Variants in VAPA observed in about 807,000 individuals in gnomAD.
VAPA encodes the protein VAMP associated protein A.
Under a neutral mutation model 25.6 loss-of-function variants are expected in VAPA, and 6 were observed. The ratio of observed to expected loss-of-function variants is 0.23; its 90% CI spans 0.13 to 0.46. VAPA has a LOEUF of 0.46. VAPA is among the 20% of genes least tolerant of loss of function. The probability of loss-of-function intolerance (pLI) is 0.99; values close to 1 mark genes in which losing one functional copy is unlikely to be tolerated. For synonymous variants in VAPA, 112 were observed against 106.2 expected, an observed-to-expected ratio of 1.05 and a Z score of -0.34; for missense variants, 244 against 302.1, an observed-to-expected ratio of 0.81 and a Z score of 1.43.
intron 1 of VAPA, chr18:9,924,828 C>T (rs2069186662): frequency 6.6e-6 from 1 of 151,260 alleles, no homozygotes; most frequent in Non-Finnish European, 1.5e-5. Flanking sequence ...ACCCAAGGTC[C>T]ATCAGCTAGG....
At chr18:9,939,412 C>T (rs969275333) in intron 4 of VAPA, among the ~76,000 whole-genome samples, 2 of 152,054 alleles carry the variant, frequency 1.3e-5, no homozygotes, top group African/African-American at 4.8e-5. Flanking sequence ...GCCTTGGCCT[C>T]CCAAAGTGCT....
chr18:9,952,212 T>C (rs115193631), intron 5 of VAPA, among the ~76,000 whole-genome samples: 2 of 152,092 alleles, frequency 1.3e-5, no homozygotes. Flanking sequence ...TTCTACTCTT[T>C]TTATGCTAGT....
At chr18:9,947,133 C>G (rs1384044149) in intron 4 of VAPA, among the ~76,000 whole-genome samples, 2 of 152,138 alleles carry the variant, frequency 1.3e-5, no homozygotes, top group Non-Finnish European at 2.9e-5. Flanking sequence ...GGAATACCTC[C>G]TGAAGGACCT....
In VAPA at chr18:9,934,863, G is replaced by C. The variant is rs1436736703; in HGVS notation, c.233-1247G>C. On this transcript the variant is annotated intron_variant, in intron 2 of 5. Coordinates refer to ENST00000400000, the MANE Select transcript of VAPA (RefSeq NM_194434.3). ...TAATCCCAGCACTTTGGGAGGCTGA[G>C]ACGGGCGGATCTTGAGGTCAGGAGA... Among the ~76,000 whole-genome samples the C allele has an allele frequency of 4.6e-5, 7 of 152,268 alleles. No homozygotes were observed. In the East Asian group the frequency reaches 1.4e-3, roughly 29 times the overall value.
intron 1 of VAPA, among the ~76,000 whole-genome samples, chr18:9,916,371 G>A (rs1258791992): frequency 1.3e-5 from 2 of 152,022 alleles, no homozygotes; most frequent in Admixed American, 6.6e-5. Context: ...AGACACAACC[G>A]TGTCTGAGGA....
intron 1 of VAPA, among the ~76,000 whole-genome samples, chr18:9,925,596 CAA>C (rs2069194126): frequency 6.6e-6 from 1 of 151,628 alleles, no homozygotes; most frequent in Non-Finnish European, 1.5e-5. Flanking sequence ...GCTAACGAAA[CAA>C]AGACCTATTC....
chr18:9,935,215 AAATT>A (rs1221093219), intron 2 of VAPA, among the ~76,000 whole-genome samples: 1 of 152,200 alleles, frequency 6.6e-6, no homozygotes, highest in Non-Finnish European at 1.5e-5. Flanking sequence ...AGATTTAAAT[AAATT>A]CATAAACTCT....
At chr18:9,917,589 C>A (rs1051100554) in intron 1 of VAPA, among the ~76,000 whole-genome samples, 9 of 152,150 alleles carry the variant, frequency 5.9e-5, no homozygotes, top group Admixed American at 5.9e-4. Flanking sequence ...CCCCTATTAG[C>A]AGTTTTGTAG....
intron 1 of VAPA, among the ~76,000 whole-genome samples, chr18:9,918,614 C>T (rs2069132152): frequency 6.6e-6 from 1 of 152,112 alleles, no homozygotes; most frequent in Admixed American, 6.5e-5. Flanking sequence ...TGGCATTTTC[C>T]TCAAATGCTC....
rs1430911792 is a variant in VAPA, at chr18:9,958,206, G to T, written c.*3995G>T. 6.6e-6 allele frequency: 1 copy of T among 152,060 alleles called. No individual in the cohort carries two copies. Among genetic ancestry groups the T allele is most frequent in the Non-Finnish European group, 1.5e-5 (1 of 68,016 alleles). 9.4% of individuals were successfully genotyped at this position (152,060 alleles called of 1,614,324 possible). A position where few individuals can be genotyped will look rare whatever the true frequency, so the allele number is the denominator to read the frequency against. ...CCTATTTTTTTCCAGCTTAATTTCT[G>T]TGGTTTATTGAAAACCAAGTATAAA... On this transcript the variant is annotated 3_prime_UTR_variant, in exon 6 of 6. Transcript: ENST00000400000.
At chr18:9,945,450 C>G (rs2069413306) in intron 4 of VAPA, among the ~76,000 whole-genome samples, 1 of 147,976 alleles carries the variant, frequency 6.8e-6, no homozygotes, top group Admixed American at 7.0e-5. Context: ...ACCTCTGCCT[C>G]CCCGGTTCAA....
chr18:9,945,377 T>TC, intron 4 of VAPA, among the ~76,000 whole-genome samples: 1 of 107,888 alleles, frequency 9.3e-6, no homozygotes, highest in South Asian at 3.2e-4. Context: ...TTTTTTTTTT[T>TC]TGAGATGGAG....
At chr18:9,918,989 C>G (rs2069135449) in intron 1 of VAPA, among the ~76,000 whole-genome samples, 1 of 152,142 alleles carries the variant, frequency 6.6e-6, no homozygotes, top group Non-Finnish European at 1.5e-5. Context: ...CAGCCGTGAC[C>G]TCCTGGGCTC....
Position 9,950,449 on chromosome 18 carries a change from C to A in VAPA, c.472C>A (p.Pro158Thr). The change falls in exon 5 of 6, where the codon CCT (proline) becomes ACT (threonine). Residue 158 changes from proline (P) to threonine (T), a missense_variant. Around this residue, in one of 2 missense-constraint regions of VAPA, gnomAD observed 145 missense variants for 140.6 expected, o/e 1.03. Transcript: ENST00000400000. The stretch of plus-strand genomic sequence containing the variant: ...ACTGAATGCATCTAAGCAAGATGGA[C>A]CTATGCCAAAACCACACAGTGTTTC... ...VPLNASKQDGPMPKPHSVSLN... is the reference protein window; with the variant it reads ...VPLNASKQDGTMPKPHSVSLN... 1 of 1,614,028 alleles carries A rather than the reference C, an allele frequency of 6.2e-7. No individual in the cohort carries two copies. Among genetic ancestry groups the A allele is most frequent in the Non-Finnish European group, 8.5e-7 (1 of 1,179,992 alleles).
chr18:9,923,132 A>G (rs1195428101), intron 1 of VAPA, among the ~76,000 whole-genome samples: 5 of 152,174 alleles, frequency 3.3e-5, no homozygotes, highest in Non-Finnish European at 5.9e-5. Flanking sequence ...ATACCATAGC[A>G]TGCTTAGCTG....
Position 9,931,712 on chromosome 18 carries a change from CTTAA to C in VAPA, c.80-93_80-90del, listed in dbSNP as rs1281883445. ...ATATTTATGCCTACAAATGTCAGCA[CTTAA>C]TTAAAATTGAGGTTATATATTTTCA... On this transcript the variant is annotated intron_variant, in intron 1 of 5. Coordinates refer to ENST00000400000, the MANE Select transcript of VAPA (RefSeq NM_194434.3). The C allele has an allele frequency of 1.2e-4, 124 of 1,063,374 alleles. 1 individual carries two copies. In the African/African-American group the frequency reaches 1.5e-3, roughly 13 times the overall value. The allele number at this position is 1,063,374 out of a possible 1,614,324, so 65.9% of individuals were successfully genotyped here.
rs928303759 is a variant in VAPA at position 9,959,748 on chromosome 18, TGTG to T, written c.*5539_*5541del. ...AAAAAAAAAAAAAAAAAAAAAAAAATGTGGAGGGTTGAAATGGTAAGGAATTGG... is the reference window on the plus strand; with the variant it reads ...AAAAAAAAAAAAAAAAAAAAAAAAATGAGGGTTGAAATGGTAAGGAATTGG... On this transcript the variant is annotated 3_prime_UTR_variant, in exon 6 of 6. Transcript: ENST00000400000. The T allele has an allele frequency of 6.8e-5, 7 of 103,490 alleles. No homozygotes were observed. Among genetic ancestry groups the T allele is most frequent in the African/African-American group, 2.0e-4 (5 of 24,556 alleles). 6.4% of individuals were successfully genotyped at this position (103,490 alleles called of 1,614,324 possible).
intron 1 of VAPA, among the ~76,000 whole-genome samples, chr18:9,931,217 G>A (rs2069251368): frequency 6.6e-6 from 1 of 152,166 alleles, no homozygotes; most frequent in Non-Finnish European, 1.5e-5. Context: ...AAATGGATCA[G>A]CCTTTTGGGT....
chr18:9,918,268 A>G (rs2069128696), intron 1 of VAPA, among the ~76,000 whole-genome samples: 1 of 152,210 alleles, frequency 6.6e-6, no homozygotes, highest in South Asian at 2.1e-4. Context: ...TGATTTTAAA[A>G]ACAAATGAGC....
Sources: gnomAD v4.1 joint callset for allele counts (sites outside exome capture counted in the v4.1 genomes callset) on GRCh38, gnomAD v4.1.1 for gene constraint, gnomAD v4.1.1 regional missense constraint, MANE v1.5 for transcripts, NCBI Gene and HGNC (gene_info 2026-07-23, HGNC 2026-07-21) for gene names.